TEC: variants seen among roughly 807,000 people sequenced by gnomAD.
TEC encodes the protein tec protein tyrosine kinase.
In TEC, 72 loss-of-function variants were observed where a neutral mutation model predicts 93.0. That is an observed-to-expected ratio of 0.77 (90% CI 0.64 to 0.94). The LOEUF is 0.94. TEC is among the 40% of genes least tolerant of loss of function. The pLI is 0.00. For synonymous variants in TEC, 249 were observed against 247.7 expected (o/e 1.01, Z -0.05); for missense variants, 630 against 757.9 (o/e 0.83, Z 1.98).
intron 13 of TEC, 29 bp downstream of exon 13, chr4:48,145,379 G>A: frequency 6.2e-7 from 1 of 1,613,244 alleles, no homozygotes; most frequent in Non-Finnish European, 8.5e-7. Flanking sequence ...AATACAAAAA[G>A]ATGAGCCAGA....
chr4:48,159,260 C>T (rs576322901), intron 8 of TEC, among the ~76,000 whole-genome samples: 4 of 152,296 alleles, frequency 2.6e-5, no homozygotes, highest in Admixed American at 2.6e-4. Flanking sequence ...GTACAAGAAG[C>T]ATGGTGCCAG....
rs189893517 is a variant in TEC at position 48,148,724 on chromosome 4, G to T, written c.1006+833C>A. ...GTTACAAGTGCAAATTGTTATATGG[G>T]TAAACTTGTGTCATGGGGGTCTGTT... On this transcript the variant is annotated intron_variant, in intron 11 of 17. Transcript: ENST00000381501. Among the ~76,000 whole-genome samples the T allele has an allele frequency of 3.3e-5, 5 of 152,246 alleles. No homozygotes were observed. The East Asian group carries it at 9.7e-4, about 29-fold the overall frequency.
At chr4:48,232,748 A>G (rs1020469175) in intron 1 of TEC, among the ~76,000 whole-genome samples, 2 of 152,220 alleles carry the variant, frequency 1.3e-5, no homozygotes, top group African/African-American at 4.8e-5. Flanking sequence ...AAGGAAATAG[A>G]AAACAAAAAA....
chr4:48,176,519 G>C (rs1206594184), intron 2 of TEC, among the ~76,000 whole-genome samples: 3 of 152,108 alleles, frequency 2.0e-5, no homozygotes, highest in Non-Finnish European at 4.4e-5. Context: ...CCAGCAGTTC[G>C]AGACCAGCCT....
intron 4 of TEC, 143 bp from the exon 5 acceptor site, chr4:48,170,519 C>G (rs1436407530): frequency 1.8e-6 from 1 of 554,226 alleles, no homozygotes; most frequent in Non-Finnish European, 3.0e-6. Context: ...ACTCAGCATT[C>G]AGAAAAGCTC....
At chr4:48,166,739 C>T (rs1411812784) in intron 7 of TEC, among the ~76,000 whole-genome samples, 4 of 151,314 alleles carry the variant, frequency 2.6e-5, no homozygotes, top group African/African-American at 4.9e-5. Flanking sequence ...ATACAGCATC[C>T]GATAAAGAGA....
intron 2 of TEC, among the ~76,000 whole-genome samples, chr4:48,192,082 A>G (rs978223892): frequency 3.9e-5 from 6 of 152,238 alleles, no homozygotes; most frequent in Non-Finnish European, 2.9e-5. Context: ...GGCTTTATTT[A>G]TAATAGCCCA....
At chr4:48,213,767 A>G (rs562492028) in intron 2 of TEC, among the ~76,000 whole-genome samples, 100 of 152,318 alleles carry the variant, frequency 6.6e-4, no homozygotes, top group African/African-American at 2.4e-3. Flanking sequence ...ACTAATAAAT[A>G]CTGAATTAAA....
At chr4:48,155,222 A>G (rs911143866) in intron 9 of TEC, among the ~76,000 whole-genome samples, 2 of 152,258 alleles carry the variant, frequency 1.3e-5, no homozygotes, top group East Asian at 1.9e-4. Flanking sequence ...TGAACATTGT[A>G]TCTGACTAGG....
chr4:48,156,993 T>C (rs564786283), intron 8 of TEC, among the ~76,000 whole-genome samples: 1 of 152,230 alleles, frequency 6.6e-6, no homozygotes, highest in Non-Finnish European at 1.5e-5. Context: ...CTACATAGGC[T>C]ATACGATAAC....
Position 48,145,458 on chromosome 4 carries a change from C to T in TEC, c.1203G>A (p.Arg401=). 1 of 1,614,164 alleles carries T rather than the reference C, an allele frequency of 6.2e-7. No homozygotes were observed. The highest frequency in any genetic ancestry group is 1.3e-5 in the African/African-American group (1 of 75,038). The change falls in exon 13 of 18, where the codon CGG becomes CGA. Residue 401 remains arginine, a synonymous_variant. Coordinates refer to ENST00000381501, the MANE Select transcript of TEC (RefSeq NM_003215.3). ...AQYKVAIKAI[R]EGAMCEEDFI... ...AGTCCTCCTCGCACATTGCACCTTC[C>T]CGAATAGCTTTGATTGCGACTTTGT...
At chr4:48,166,710 A>T (rs1377918782) in intron 7 of TEC, among the ~76,000 whole-genome samples, 1 of 152,076 alleles carries the variant, frequency 6.6e-6, no homozygotes, top group African/African-American at 2.4e-5. Flanking sequence ...AAAAAAAATT[A>T]AAAATAGAAA....
intron 1 of TEC, among the ~76,000 whole-genome samples, chr4:48,234,455 A>G (rs1723724555): frequency 6.6e-6 from 1 of 152,228 alleles, no homozygotes; most frequent in African/African-American, 2.4e-5. Flanking sequence ...GCAGCTGGCC[A>G]AGAGTACAAC....
intron 2 of TEC, among the ~76,000 whole-genome samples, chr4:48,185,430 T>C (rs957147613): frequency 6.6e-6 from 1 of 152,210 alleles, no homozygotes; most frequent in Admixed American, 6.5e-5. Context: ...AGAAGTCAAA[T>C]GAATAGAATT....
Position 48,136,474 on chromosome 4 carries a change from A to G in TEC, c.*942T>C, listed in dbSNP as rs1719423260. On this transcript the variant is annotated 3_prime_UTR_variant, in exon 18 of 18. Coordinates refer to ENST00000381501, the MANE Select transcript of TEC (RefSeq NM_003215.3). ...TCTGCCCCAGAGCTCAGCACTTCCA[A>G]TTATAGTGTCTGTGTCCCAGGGAAT... 6.6e-6 allele frequency: 1 copy of G among 152,144 alleles called. No individual in the cohort carries two copies. Among genetic ancestry groups the G allele is most frequent in the Admixed American group, 6.5e-5 (1 of 15,268 alleles). The allele number at this position is 152,144 out of a possible 1,614,324, so 9.4% of individuals were successfully genotyped here.
chr4:48,186,874 C>T (rs4543083), intron 2 of TEC, among the ~76,000 whole-genome samples: 6,774 of 151,988 alleles, frequency 0.045, 369 homozygotes, highest in East Asian at 0.2. Flanking sequence ...TCTGCCCGGC[C>T]GCCCCGTCTG....
chr4:48,262,258 G>A (rs1461498087), intron 1 of TEC, among the ~76,000 whole-genome samples: 1 of 138,692 alleles, frequency 7.2e-6, no homozygotes, highest in Non-Finnish European at 1.5e-5. Flanking sequence ...GTGCAGTGGT[G>A]CGATCTCAGC....
At chr4:48,140,575 C>T (rs1213675761) in intron 15 of TEC, among the ~76,000 whole-genome samples, 2 of 152,180 alleles carry the variant, frequency 1.3e-5, no homozygotes, top group Admixed American at 6.5e-5. Context: ...ATACAGTCCC[C>T]GTGACAACTA....
At chr4:48,212,441 T>A (rs895009877) in intron 2 of TEC, among the ~76,000 whole-genome samples, 1 of 152,120 alleles carries the variant, frequency 6.6e-6, no homozygotes. Flanking sequence ...AGATAAGACA[T>A]CTTGGTTCGC....
Sources: gnomAD v4.1 joint callset for allele counts (sites outside exome capture counted in the v4.1 genomes callset) on GRCh38, gnomAD v4.1.1 for gene constraint, MANE v1.5 for transcripts, NCBI Gene and HGNC (gene_info 2026-07-23, HGNC 2026-07-21) for gene names.